The following TMEM255A variants were observed in gnomAD, a reference collection of about 807,000 sequenced individuals.
The protein encoded by TMEM255A is transmembrane protein 255A, also known as family with sequence similarity 70, member A.
Under a neutral mutation model 23.5 loss-of-function variants are expected in TMEM255A, and 14 were observed. That is an observed-to-expected ratio of 0.60 (90% CI 0.39 to 0.93). The LOEUF (loss-of-function observed/expected upper bound fraction) is 0.93, where lower values mean the gene tolerates loss of function less well. Ranked by LOEUF, TMEM255A falls within the 40% of genes least tolerant of loss-of-function variation. The pLI, the probability that TMEM255A is intolerant of heterozygous loss-of-function variation, is 0.00. For synonymous variants in TMEM255A, 104 were observed against 100.3 expected, an observed-to-expected ratio of 1.04 and a Z score of -0.22; for missense variants, 233 against 261.7, an observed-to-expected ratio of 0.89 and a Z score of 0.76.
intron 7 of TMEM255A, among the ~76,000 whole-genome samples, chrX:120,270,413 G>T (rs1409784133): frequency 9.3e-6 from 1 of 107,942 alleles, no homozygotes; most frequent in Non-Finnish European, 1.9e-5. Flanking sequence ...AACACAAAAG[G>T]TTACTAGGTA....
chrX:120,284,202 G>A (rs981250599), intron 6 of TMEM255A, among the ~76,000 whole-genome samples: 29 of 112,076 alleles, frequency 2.6e-4, no homozygotes, highest in Admixed American at 4.7e-4. Flanking sequence ...TTGTTCACAT[G>A]TCCATCCTCT....
chrX:120,306,978 A>G (rs781970061), intron 1 of TMEM255A, among the ~76,000 whole-genome samples: 1 of 112,476 alleles, frequency 8.9e-6, no homozygotes, highest in Non-Finnish European at 1.9e-5. Flanking sequence ...TGCTTTGGAT[A>G]AAATTCCTAA....
At chrX:120,283,726 G>A (rs991846412) in intron 6 of TMEM255A, among the ~76,000 whole-genome samples, 12 of 111,524 alleles carry the variant, frequency 1.1e-4, no homozygotes, top group East Asian at 2.8e-4. Context: ...ATGATTCCCC[G>A]CTTTGCATTG....
intron 2 of TMEM255A, among the ~76,000 whole-genome samples, chrX:120,297,712 C>T (rs1441719421): frequency 2.7e-5 from 3 of 110,716 alleles, no homozygotes; most frequent in East Asian, 2.8e-4. Flanking sequence ...GACTAGCTCT[C>T]GGGTCCCCTG....
At chrX:120,282,350 A>G (rs1265294493) in intron 6 of TMEM255A, among the ~76,000 whole-genome samples, 1 of 111,616 alleles carries the variant, frequency 9.0e-6, no homozygotes, top group African/African-American at 3.3e-5. Flanking sequence ...AGCACTACAG[A>G]CTTGGGAAAG....
At chrX:120,300,418 C>T (rs781906990) in intron 2 of TMEM255A, among the ~76,000 whole-genome samples, 2 of 110,832 alleles carry the variant, frequency 1.8e-5, no homozygotes, top group South Asian at 3.8e-4. Context: ...GACAGGACCT[C>T]GATCTGTCAC....
In TMEM255A at chrX:120,311,446, G is replaced by T. The variant is rs2058101743; in HGVS notation, c.-137C>A. The T allele has an allele frequency of 5.8e-6, 3 of 519,722 alleles. No individual in the cohort carries two copies. The highest frequency in any genetic ancestry group is 1.0e-5 in the Non-Finnish European group (3 of 295,087). 42.8% of individuals were successfully genotyped at this position (519,722 alleles called of 1,213,427 possible). A position where few individuals can be genotyped will look rare whatever the true frequency, so the allele number is the denominator to read the frequency against. On this transcript the variant is annotated 5_prime_UTR_variant, in exon 1 of 9. Coordinates refer to ENST00000371369, the MANE Select transcript of TMEM255A (RefSeq NM_001104544.3). ...GCTGAGAGACACTGCCTCTGGTTGC[G>T]AGCTGCAGCCCAAGTGCCGCCTCCC... is the stretch of plus-strand genomic sequence containing the variant.
At chrX:120,291,396 G>A (rs1272537948) in intron 3 of TMEM255A, 56 bp from the exon 4 acceptor site, 1 of 987,655 alleles carries the variant, frequency 1.0e-6, no homozygotes, top group Non-Finnish European at 1.4e-6. Context: ...TGCTGCCTCT[G>A]GGGACCAGGC....
At chrX:120,284,452 G>T (rs1022930030) in intron 6 of TMEM255A, among the ~76,000 whole-genome samples, 2 of 109,438 alleles carry the variant, frequency 1.8e-5, no homozygotes, top group Non-Finnish European at 3.8e-5. Flanking sequence ...ACTACTTTCA[G>T]GTCTGCACAA....
the TMEM255A span, chrX:120,253,492 G>C: frequency 8.3e-7 from 1 of 1,211,677 alleles, no homozygotes; most frequent in Non-Finnish European, 1.1e-6. Flanking sequence ...AATGAGCAAC[G>C]TGGCCATGGA....
chrX:120,310,686 C>T (rs12843147), intron 1 of TMEM255A, among the ~76,000 whole-genome samples: 6 of 63,413 alleles, frequency 9.5e-5, no homozygotes, highest in Non-Finnish European at 1.7e-4. Flanking sequence ...CTCATCCCCC[C>T]CTTTCTTCTC....
At chrX:120,268,527 C>T (rs2057732556) in intron 7 of TMEM255A, 140 bp from the exon 8 acceptor site, 5 of 402,037 alleles carry the variant, frequency 1.2e-5, no homozygotes, top group Non-Finnish European at 2.0e-5. Context: ...GAAGGTTGTC[C>T]AGGATATATT....
chrX:120,271,084 G>A (rs781809345), intron 7 of TMEM255A, among the ~76,000 whole-genome samples: 8 of 111,108 alleles, frequency 7.2e-5, no homozygotes, highest in South Asian at 3.8e-4. Context: ...TAGAGTTCCC[G>A]GGATTCACAT....
downstream of TMEM255A, chrX:120,255,319 A>G: frequency 2.5e-6 from 3 of 1,211,763 alleles, no homozygotes; most frequent in Non-Finnish European, 3.4e-6. Context: ...TCTACTCAGA[A>G]CAAGCCAATG....
At chrX:120,289,581 A>C (rs72607682) in intron 4 of TMEM255A, among the ~76,000 whole-genome samples, 9,395 of 111,878 alleles carry the variant, frequency 0.084, 301 homozygotes, top group East Asian at 0.13. Context: ...GGAATGTAAA[A>C]TAGTGCAGCC....
In TMEM255A at chrX:120,296,758, T is replaced by TA. The variant is rs1569339540; in HGVS notation, c.202-2708_202-2707insT. Among the ~76,000 whole-genome samples, 34 of 21,808 alleles carry TA rather than the reference T, an allele frequency of 1.6e-3. 1 individual carries two copies. Among genetic ancestry groups the TA allele is most frequent in the African/African-American group, 0.013 (29 of 2,164 alleles). The allele number at this position is 21,808 out of a possible 115,157, so 18.9% of individuals were successfully genotyped here. A position where few individuals can be genotyped will look rare whatever the true frequency, so the allele number is the denominator to read the frequency against. On this transcript the variant is annotated intron_variant, in intron 2 of 8. Transcript: ENST00000371369. ...ATATTATATTATATTATATTATATA[T>TA]TATATATATTAAATATATTATATAT...
At chrX:120,266,434 A>G (rs782539652) in intron 8 of TMEM255A, among the ~76,000 whole-genome samples, 64 of 110,260 alleles carry the variant, frequency 5.8e-4, no homozygotes, top group African/African-American at 1.9e-3. Flanking sequence ...CAGAGTAAAC[A>G]TTGATTGAAC....
At chrX:120,275,022 G>A (rs912332512) in intron 7 of TMEM255A, among the ~76,000 whole-genome samples, 2 of 112,370 alleles carry the variant, frequency 1.8e-5, no homozygotes. Context: ...AAGCTGCTGA[G>A]ATTCCACACA....
At chrX:120,281,332 T>G (rs2147194521) in intron 6 of TMEM255A, among the ~76,000 whole-genome samples, 1 of 112,193 alleles carries the variant, frequency 8.9e-6, no homozygotes, top group African/African-American at 3.2e-5. Flanking sequence ...ACGTTCTGGG[T>G]GGACCTAGAG....
Sources: gnomAD v4.1 joint callset for allele counts (sites outside exome capture counted in the v4.1 genomes callset) on GRCh38, gnomAD v4.1.1 for gene constraint, MANE v1.5 for transcripts, NCBI Gene and HGNC (gene_info 2026-07-23, HGNC 2026-07-21) for gene names.